Variants in PRKCE observed in about 807,000 individuals in gnomAD.
PRKCE encodes the protein protein kinase C epsilon, also known as protein kinase C epsilon type.
Under a neutral mutation model 85.4 loss-of-function variants are expected in PRKCE, and 16 were observed. The observed-to-expected ratio is 0.19, with a 90% CI of 0.13 to 0.28. The LOEUF is 0.28. PRKCE is among the 10% of genes least tolerant of loss of function. The probability of loss-of-function intolerance (pLI) is 1.00; values close to 1 mark genes in which losing one functional copy is unlikely to be tolerated. For missense variants in PRKCE, 573 were observed against 975.2 expected, an observed-to-expected ratio of 0.59 and a Z score of 5.49; for synonymous variants, 388 against 371.5, an observed-to-expected ratio of 1.04 and a Z score of -0.51.
intron 11 of PRKCE, among the ~76,000 whole-genome samples, chr2:46,093,251 G>A (rs575091047): frequency 2.0e-5 from 3 of 152,088 alleles, no homozygotes; most frequent in South Asian, 2.1e-4. Context: ...CATCTCCTTC[G>A]TTTTATAGGT....
chr2:45,729,842 G>A (rs1295724196), intron 1 of PRKCE, among the ~76,000 whole-genome samples: 1 of 152,188 alleles, frequency 6.6e-6, no homozygotes, highest in Non-Finnish European at 1.5e-5. Context: ...TTGCCTCAAG[G>A]GGAGCAGATC....
intron 1 of PRKCE, among the ~76,000 whole-genome samples, chr2:45,752,458 A>G (rs1045127884): frequency 1.3e-5 from 2 of 151,988 alleles, no homozygotes; most frequent in Admixed American, 6.6e-5. Flanking sequence ...CCACTGTTTA[A>G]TGGAACTAAT....
intron 6 of PRKCE, among the ~76,000 whole-genome samples, chr2:45,985,415 C>T (rs1459892622): frequency 3.3e-5 from 5 of 152,054 alleles, no homozygotes; most frequent in Non-Finnish European, 4.4e-5. Context: ...TTTTATAAGC[C>T]GGTCCAGCCT....
At chr2:45,709,583 G>C (rs570617159) in intron 1 of PRKCE, among the ~76,000 whole-genome samples, 1 of 152,312 alleles carries the variant, frequency 6.6e-6, no homozygotes, top group East Asian at 1.9e-4. Context: ...TCCCCATTCT[G>C]GATTCCAAGG....
rs549795497 is a variant in PRKCE, at chr2:45,689,675, C to T, written c.348+37227C>T. On this transcript the variant is annotated intron_variant, in intron 1 of 14. Transcript: ENST00000306156. ...CTGTAATTCCAATGCTTTGGGAGGC[C>T]GAGGGAGGTCAGGCATTTGAGACCA... Among the ~76,000 whole-genome samples, 14 of 151,882 alleles carry T rather than the reference C, an allele frequency of 9.2e-5. No individual in the cohort carries two copies. In the East Asian group the frequency reaches 1.7e-3, roughly 19 times the overall value.
chr2:45,686,941 C>G (rs1677344343), intron 1 of PRKCE, among the ~76,000 whole-genome samples: 1 of 152,010 alleles, frequency 6.6e-6, no homozygotes, highest in Admixed American at 6.6e-5. Context: ...TGGATCTATA[C>G]CTAGTTTCTT....
At position 46,145,314 on chromosome 2, in the gene PRKCE, GTGGTGC is replaced by G. The variant is rs1453700563; in HGVS notation, c.1731+87_1731+92del. 27 of 1,532,074 alleles carry G rather than the reference GTGGTGC, an allele frequency of 1.8e-5. No homozygotes were observed. Among genetic ancestry groups the G allele is most frequent in the Non-Finnish European group, 2.4e-5 (27 of 1,125,474 alleles). The allele number at this position is 1,532,074 out of a possible 1,614,324, so 94.9% of individuals were successfully genotyped here. A position where few individuals can be genotyped will look rare whatever the true frequency, so the allele number is the denominator to read the frequency against. On this transcript the variant is annotated intron_variant, in intron 12 of 14. Coordinates refer to ENST00000306156, the MANE Select transcript of PRKCE (RefSeq NM_005400.3). The surrounding 1 kb of genome is among the most constrained non-coding windows in gnomAD (Gnocchi z 4.6). ...CAAACCCATGCACTGGGGTCATCTA[GTGGTGC>G]TGGGGGAAGGCTCTGGAAATCCAGG... is the stretch of plus-strand genomic sequence containing the variant.
chr2:46,113,191 C>T, intron 11 of PRKCE, among the ~76,000 whole-genome samples: 1 of 152,154 alleles, frequency 6.6e-6, no homozygotes, highest in Non-Finnish European at 1.5e-5. Context: ...GAATAATTAC[C>T]CTAAATACAT....
At chr2:46,026,681 G>A (rs1329759155) in intron 10 of PRKCE, among the ~76,000 whole-genome samples, 1 of 152,180 alleles carries the variant, frequency 6.6e-6, no homozygotes, top group Non-Finnish European at 1.5e-5. Context: ...GGATGTTTTT[G>A]AAGGGGATTT....
At chr2:45,669,470 G>A (rs946457004) in intron 1 of PRKCE, among the ~76,000 whole-genome samples, 1 of 152,212 alleles carries the variant, frequency 6.6e-6, no homozygotes, top group African/African-American at 2.4e-5. Context: ...ACCGCGCAGC[G>A]TGGCTGAAGC....
intron 2 of PRKCE, among the ~76,000 whole-genome samples, chr2:45,910,041 C>CCG (rs539059673): frequency 7.4e-6 from 1 of 135,460 alleles, no homozygotes; most frequent in Admixed American, 7.3e-5. Context: ...AGTAAACTCA[C>CCG]CGCCCCCCCC....
chr2:45,944,483 T>G (rs1390665160), intron 2 of PRKCE, among the ~76,000 whole-genome samples: 1 of 152,034 alleles, frequency 6.6e-6, no homozygotes, highest in Admixed American at 6.6e-5. Context: ...CGTCCTCAAT[T>G]TATTTTTATG....
chr2:45,698,169 G>T (rs1457324818), intron 1 of PRKCE, among the ~76,000 whole-genome samples: 1 of 152,194 alleles, frequency 6.6e-6, no homozygotes, highest in Non-Finnish European at 1.5e-5. Flanking sequence ...CATTTTGTGG[G>T]CAAGTTCTGG....
chr2:45,984,733 C>A (rs1171739774), intron 6 of PRKCE, 53 bp downstream of exon 6: 2 of 1,566,538 alleles, frequency 1.3e-6, no homozygotes, highest in South Asian at 1.1e-5. Flanking sequence ...TTCCTTGCTG[C>A]CTGCCCCCAT....
intron 2 of PRKCE, among the ~76,000 whole-genome samples, chr2:45,858,591 C>CT (rs1305996955): frequency 6.6e-6 from 1 of 152,172 alleles, no homozygotes; most frequent in African/African-American, 2.4e-5. Context: ...CCTTCACTGA[C>CT]TTTGTCTTTG....
At chr2:46,081,159 CTT>C (rs1669037394) in intron 10 of PRKCE, among the ~76,000 whole-genome samples, 1 of 152,098 alleles carries the variant, frequency 6.6e-6, no homozygotes, top group Non-Finnish European at 1.5e-5. Flanking sequence ...GCCTGGCTAA[CTT>C]TTTAATTTTT....
Position 45,728,517 on chromosome 2 carries a change from A to C in PRKCE, c.348+76069A>C, listed in dbSNP as rs117333986. Among the ~76,000 whole-genome samples the C allele has an allele frequency of 2.7e-4, 41 of 152,172 alleles. No homozygotes were observed. In the East Asian group the frequency reaches 7.3e-3, roughly 27 times the overall value. On this transcript the variant is annotated intron_variant, in intron 1 of 14. Coordinates refer to ENST00000306156, the MANE Select transcript of PRKCE (RefSeq NM_005400.3). ...TGCTGCTTGCTTTGAGGGTGGTGCA[A>C]GTGCTATTGGGTGTCATTTTATATT...
intron 1 of PRKCE, among the ~76,000 whole-genome samples, chr2:45,808,861 G>C (rs1458770577): frequency 1.3e-5 from 2 of 152,146 alleles, no homozygotes; most frequent in African/African-American, 4.8e-5. Context: ...CTAGCTTAGT[G>C]CTTGTTCTCC....
intron 1 of PRKCE, among the ~76,000 whole-genome samples, chr2:45,722,608 G>A (rs1680712583): frequency 6.6e-6 from 1 of 152,170 alleles, no homozygotes; most frequent in South Asian, 2.1e-4. Flanking sequence ...AAGCAGATAG[G>A]TCACCATCCT....
Sources: allele counts gnomAD v4.1 joint callset (sites outside exome capture counted in the v4.1 genomes callset), GRCh38; gene constraint gnomAD v4.1.1; non-coding constraint Gnocchi (gnomAD v3.1); transcripts MANE v1.5; gene names NCBI Gene and HGNC (gene_info 2026-07-23, HGNC 2026-07-21).